EPHB3: variants seen among roughly 807,000 people sequenced by gnomAD.
The protein encoded by EPHB3 is EPH receptor B3.
EPHB3 carries 33 observed loss-of-function variants against 100.2 expected under a neutral mutation model. The ratio of observed to expected loss-of-function variants is 0.33; its 90% CI spans 0.25 to 0.44. The LOEUF (loss-of-function observed/expected upper bound fraction) is 0.44. Ranked by LOEUF, EPHB3 falls within the 20% of genes least tolerant of loss-of-function variation. The pLI, the probability that EPHB3 is intolerant of heterozygous loss-of-function variation, is 1.00. For synonymous variants in EPHB3, 526 were observed against 554.7 expected, an observed-to-expected ratio of 0.95 and a Z score of 0.73; for missense variants, 1,045 against 1,378.3, an observed-to-expected ratio of 0.76 and a Z score of 3.83.
Position 184,577,803 on chromosome 3 carries a change from C to T in EPHB3, c.1625C>T (p.Thr542Ile). 6.2e-7 allele frequency: 1 copy of T among 1,606,058 alleles called. No individual in the cohort carries two copies. ...GQYSRPAEFE[T>I]TSERGSGAQQ... ...TACAGCCGCCCTGCCGAGTTTGAGA[C>T]CACAAGTGAGAGAGGTTAGTAGCCC... Residue 542 changes from threonine to isoleucine, a missense_variant, in exon 7 of 16, where the codon ACC (threonine) becomes ATC (isoleucine). Thr to Ile is a moderately conservative substitution (Grantham distance 89). Transcript: ENST00000330394. This position sits in a 1 kb window ranked among gnomAD's most constrained non-coding sequence, Gnocchi z 4.9.
In EPHB3 at chr3:184,579,772, C is replaced by A. The variant is rs1161825543; in HGVS notation, c.2010C>A (p.Gly670=). 2 of 1,613,060 alleles carry A rather than the reference C, an allele frequency of 1.2e-6. No homozygotes were observed. ...VFVAIKTLKV[G]YTERQRRDFL... ...TGGCCATCAAGACGCTGAAGGTGGG[C>A]TACACCGAGAGGCAGCGGCGGGACT... is the stretch of plus-strand genomic sequence containing the variant. Residue 670 remains glycine (G), a synonymous_variant, in exon 11 of 16, where the codon GGC becomes GGA. Transcript: ENST00000330394. The surrounding 1 kb of genome is among the most constrained non-coding windows in gnomAD (Gnocchi z 5.2).
At position 184,578,851 on chromosome 3, in the gene EPHB3, G is replaced by C. The variant is rs1714749211; in HGVS notation, c.1801+385G>C. Among the ~76,000 whole-genome samples, 1 of 152,188 alleles carries C rather than the reference G, an allele frequency of 6.6e-6. No homozygotes were observed. Among genetic ancestry groups the C allele is most frequent in the African/African-American group, 2.4e-5 (1 of 41,444 alleles). On this transcript the variant is annotated intron_variant, in intron 9 of 15. Coordinates refer to ENST00000330394, the MANE Select transcript of EPHB3 (RefSeq NM_004443.4). This position sits in a 1 kb window ranked among gnomAD's most constrained non-coding sequence, Gnocchi z 4.7. Reference sequence around the variant, plus strand: ...GGTGGACTTGAGCTGAGCCAGGCGGGATGAGCAGGGTGTTGGGAGGTGAGG... The same window carrying C: ...GGTGGACTTGAGCTGAGCCAGGCGGCATGAGCAGGGTGTTGGGAGGTGAGG...
At chr3:184,566,429 C>A (rs576554348) in intron 1 of EPHB3, among the ~76,000 whole-genome samples, 1 of 152,216 alleles carries the variant, frequency 6.6e-6, no homozygotes, top group African/African-American at 2.4e-5. Flanking sequence ...GACATGGGGG[C>A]CAAGGGGCTG....
Position 184,577,634 on chromosome 3 carries a change from G to A in EPHB3, c.1480-24G>A. On this transcript the variant is annotated intron_variant, in intron 6 of 15. Transcript: ENST00000330394. This position sits in a 1 kb window ranked among gnomAD's most constrained non-coding sequence, Gnocchi z 4.9. ...TTGGCCTCAGGACCCACCTGAGGGT[G>A]CCCCCTCTCTCCTGGCATTGCAGAG... 1.3e-6 allele frequency: 2 copies of A among 1,575,692 alleles called. No individual in the cohort carries two copies. The highest frequency in any genetic ancestry group is 1.2e-5 in the South Asian group (1 of 85,940).
At position 184,582,027 on chromosome 3, in the gene EPHB3, C is replaced by T. The variant is rs924781051; in HGVS notation, c.*405C>T. 5.9e-6 allele frequency: 1 copy of T among 168,864 alleles called. No individual in the cohort carries two copies. Among genetic ancestry groups the T allele is most frequent in the African/African-American group, 2.4e-5 (1 of 41,946 alleles). 10.5% of individuals were successfully genotyped at this position (168,864 alleles called of 1,614,324 possible). On this transcript the variant is annotated 3_prime_UTR_variant, in exon 16 of 16. Transcript: ENST00000330394. Reference sequence around the variant, plus strand: ...CCCCCAGGTAGGCGGAGAGCAGTCCCTCCCTCAGGAACTGGAGGAGGGGAC... The same window carrying T: ...CCCCCAGGTAGGCGGAGAGCAGTCCTTCCCTCAGGAACTGGAGGAGGGGAC...
At chr3:184,566,028 G>GC (rs1714376135) in intron 1 of EPHB3, among the ~76,000 whole-genome samples, 1 of 152,090 alleles carries the variant, frequency 6.6e-6, no homozygotes, top group African/African-American at 2.4e-5. Context: ...TGGGCAGCTG[G>GC]GGGGGGTGAA....
Position 184,577,225 on chromosome 3 carries a change from T to A in EPHB3, c.1354+42T>A, listed in dbSNP as rs757570445. The A allele has an allele frequency of 1.9e-6, 3 of 1,570,960 alleles. No homozygotes were observed. In the East Asian group the frequency reaches 6.8e-5, roughly 35 times the overall value. The stretch of plus-strand genomic sequence containing the variant: ...GGAGGGTAGGGCCTGGGTCACTTTC[T>A]CCTGGATGAGGTGTCCCAGGACCTG... On this transcript the variant is annotated intron_variant, in intron 5 of 15. Transcript: ENST00000330394. This position sits in a 1 kb window ranked among gnomAD's most constrained non-coding sequence, Gnocchi z 4.9.
At chr3:184,574,166 C>A (rs1356208012) in intron 3 of EPHB3, among the ~76,000 whole-genome samples, 1 of 152,210 alleles carries the variant, frequency 6.6e-6, no homozygotes, top group Non-Finnish European at 1.5e-5. Flanking sequence ...AGCACAGCCA[C>A]CAGCTAAGTG....
At chr3:184,574,924 C>T (rs1208732021) in intron 3 of EPHB3, among the ~76,000 whole-genome samples, 3 of 152,256 alleles carry the variant, frequency 2.0e-5, no homozygotes, top group African/African-American at 7.2e-5. Context: ...AGGGCAAGCC[C>T]TAGCGCTGGG....
Position 184,578,117 on chromosome 3 carries a change from CT to C in EPHB3, c.1748+113del. The C allele has an allele frequency of 1.6e-6, 2 of 1,235,074 alleles. No individual in the cohort carries two copies. Among genetic ancestry groups the C allele is most frequent in the Non-Finnish European group, 2.2e-6 (2 of 895,328 alleles). The allele number at this position is 1,235,074 out of a possible 1,614,324, so 76.5% of individuals were successfully genotyped here. On this transcript the variant is annotated intron_variant, in intron 8 of 15. Coordinates refer to ENST00000330394, the MANE Select transcript of EPHB3 (RefSeq NM_004443.4). The surrounding 1 kb of genome is among the most constrained non-coding windows in gnomAD (Gnocchi z 4.7). ...CCACCACTTCCCTCAGACCCAGGGC[CT>C]TAGCCCTCCTGGGGCCAGCCGTTGC... is the stretch of plus-strand genomic sequence containing the variant.
chr3:184,571,507 C>T lies in EPHB3; in HGVS notation c.183+125C>T, dbSNP rs1260134325. The T allele has an allele frequency of 6.3e-6, 6 of 946,224 alleles. No homozygotes were observed. The highest frequency in any genetic ancestry group is 5.2e-5 in the East Asian group (2 of 38,744). The allele number at this position is 946,224 out of a possible 1,614,324, so 58.6% of individuals were successfully genotyped here. ...GCTGCCTCTGCCCTCTGCCTGTCAC[C>T]CTCACTTCCTGTGCCATCCCCATCA... On this transcript the variant is annotated intron_variant, in intron 2 of 15. Transcript: ENST00000330394. This position sits in a 1 kb window ranked among gnomAD's most constrained non-coding sequence, Gnocchi z 5.0.
rs1259662067 is a variant in EPHB3 at position 184,579,878 on chromosome 3, C to A, written c.2116C>A (p.Pro706Thr). The A allele has an allele frequency of 2.5e-6, 4 of 1,613,800 alleles. No homozygotes were observed. The highest frequency in any genetic ancestry group is 2.7e-5 in the African/African-American group (2 of 74,854). Residue 706 changes from proline to threonine, a missense_variant, in exon 11 of 16, where the codon CCA becomes ACA. Transcript: ENST00000330394. This position sits in a 1 kb window ranked among gnomAD's most constrained non-coding sequence, Gnocchi z 5.2. ...CGAGGGCGTGGTCACCAAAAGTCGG[C>A]CAGTTATGATCCTCACTGAGTTCAT... ...RLEGVVTKSRPVMILTEFMEN... is the reference protein window; with the variant it reads ...RLEGVVTKSRTVMILTEFMEN...
In EPHB3 at chr3:184,562,450, G is replaced by A. The variant is rs1714281070; in HGVS notation, c.118+97G>A. On this transcript the variant is annotated intron_variant, in intron 1 of 15. Transcript: ENST00000330394. This position sits in a 1 kb window ranked among gnomAD's most constrained non-coding sequence, Gnocchi z 4.8. ...GTCCGACCCGGATTGAGCGCACGTCGGAGGAGGCCCCGCCACCGGCGCCCG... is the reference window on the plus strand; with the variant it reads ...GTCCGACCCGGATTGAGCGCACGTCAGAGGAGGCCCCGCCACCGGCGCCCG... 8.9e-7 allele frequency: 1 copy of A among 1,120,712 alleles called. No individual in the cohort carries two copies. 69.4% of individuals were successfully genotyped at this position (1,120,712 alleles called of 1,614,324 possible). A position where few individuals can be genotyped will look rare whatever the true frequency, so the allele number is the denominator to read the frequency against.
In EPHB3 at chr3:184,579,518, G is replaced by A. The variant is rs112385651; in HGVS notation, c.1843G>A (p.Glu615Lys). 7.4e-5 allele frequency: 119 copies of A among 1,613,878 alleles called. No homozygotes were observed. The highest frequency in any genetic ancestry group is 8.9e-5 in the Non-Finnish European group (105 of 1,179,980). The stretch of plus-strand genomic sequence containing the variant: ...GGTTTATATTGACCCTTTTACCTAC[G>A]AGGACCCTAATGAGGCTGTTCGGGA... ...MKVYIDPFTY[E>K]DPNEAVREFA... The change falls in exon 10 of 16, where the codon GAG (glutamate) becomes AAG (lysine). Residue 615 changes from glutamate to lysine, a missense_variant. Glu to Lys is a moderately conservative substitution (Grantham distance 56). Coordinates refer to ENST00000330394, the MANE Select transcript of EPHB3 (RefSeq NM_004443.4). The surrounding 1 kb of genome is among the most constrained non-coding windows in gnomAD (Gnocchi z 5.2).
Position 184,573,499 on chromosome 3 carries a change from C to A in EPHB3, c.856+323C>A, listed in dbSNP as rs548604913. 2.6e-5 allele frequency among the ~76,000 whole-genome samples: 4 copies of A among 152,322 alleles called. No homozygotes were observed. In the East Asian group the frequency reaches 7.7e-4, roughly 29 times the overall value. ...CTTAGGAGGCTGGCAGAGATGCTCG[C>A]TTTGTCCCGGCCTGAGTGTATGCTT... is the stretch of plus-strand genomic sequence containing the variant. On this transcript the variant is annotated intron_variant, in intron 3 of 15. Transcript: ENST00000330394. The surrounding 1 kb of genome is among the most constrained non-coding windows in gnomAD (Gnocchi z 4.5).
rs757547152 is a variant in EPHB3 at position 184,575,994 on chromosome 3, A to G, written c.1012+9A>G. Reference sequence around the variant, plus strand: ...GGACAGTGCCTGTACCAGTGAGTGAACGCGTGACCTCTCTTTCCCTCTGCA... The same window carrying G: ...GGACAGTGCCTGTACCAGTGAGTGAGCGCGTGACCTCTCTTTCCCTCTGCA... On this transcript the variant is annotated intron_variant, in intron 4 of 15. Coordinates refer to ENST00000330394, the MANE Select transcript of EPHB3 (RefSeq NM_004443.4). 1 of 1,601,428 alleles carries G rather than the reference A, an allele frequency of 6.2e-7. No homozygotes were observed.
rs758714614 is a variant in EPHB3, at chr3:184,577,621, C to T, written c.1480-37C>T. On this transcript the variant is annotated intron_variant, in intron 6 of 15. Coordinates refer to ENST00000330394, the MANE Select transcript of EPHB3 (RefSeq NM_004443.4). This position sits in a 1 kb window ranked among gnomAD's most constrained non-coding sequence, Gnocchi z 4.9. ...GAATAGGGGCTGGTTGGCCTCAGGA[C>T]CCACCTGAGGGTGCCCCCTCTCTCC... The T allele has an allele frequency of 1.3e-6, 2 of 1,572,490 alleles. No individual in the cohort carries two copies. Among genetic ancestry groups the T allele is most frequent in the Non-Finnish European group, 1.7e-6 (2 of 1,155,312 alleles).
In EPHB3 at chr3:184,576,887, C is replaced by A; in HGVS notation, c.1058C>A (p.Thr353Asn). The change falls in exon 5 of 16, where the codon ACC becomes AAC. Residue 353 changes from threonine to asparagine, a missense_variant. This residue lies in a region of EPHB3 where 985 missense variants were observed against 1,331.1 expected (regional missense o/e 0.74). Transcript: ENST00000330394. The stretch of plus-strand genomic sequence containing the variant: ...GGTGTGATCTCCAATGTGAATGAAA[C>A]CTCACTGATCCTCGAGTGGAGTGAG... ...PRGVISNVNE[T>N]SLILEWSEPR... The A allele has an allele frequency of 6.4e-7, 1 of 1,569,050 alleles. No homozygotes were observed. Among genetic ancestry groups the A allele is most frequent in the Non-Finnish European group, 8.7e-7 (1 of 1,154,552 alleles).
chr3:184,581,538 C>T lies in EPHB3; in HGVS notation c.2913C>T (p.Thr971=). 6.2e-7 allele frequency: 1 copy of T among 1,613,862 alleles called. No individual in the cohort carries two copies. ...TAEDLLRIGV[T]LAGHQKKILS... ...GAGACCTGCTCCGTATTGGGGTCACCCTGGCCGGCCACCAGAAGAAGATCC... is the reference window on the plus strand; with the variant it reads ...GAGACCTGCTCCGTATTGGGGTCACTCTGGCCGGCCACCAGAAGAAGATCC... The change falls in exon 16 of 16, where the codon ACC becomes ACT. Residue 971 remains threonine, a synonymous_variant. Coordinates refer to ENST00000330394, the MANE Select transcript of EPHB3 (RefSeq NM_004443.4).
Sources: gnomAD v4.1 joint callset for allele counts (sites outside exome capture counted in the v4.1 genomes callset) on GRCh38, gnomAD v4.1.1 for gene constraint, gnomAD v4.1.1 regional missense constraint, Gnocchi (gnomAD v3.1) non-coding constraint, MANE v1.5 for transcripts, NCBI Gene and HGNC (gene_info 2026-07-23, HGNC 2026-07-21) for gene names.